Variants in LRRC37A3 observed in about 807,000 individuals in gnomAD.
The protein encoded by LRRC37A3 is leucine-rich repeat-containing protein 37A3.
A neutral mutation model predicts 106.2 loss-of-function variants in LRRC37A3; 25 were observed. The observed-to-expected ratio is 0.24, with a 90% CI of 0.17 to 0.33. The LOEUF is 0.33. Ranked by LOEUF, LRRC37A3 falls within the 10% of genes least tolerant of loss-of-function variation. The pLI is 1.00. For missense variants in LRRC37A3, 712 were observed against 1,644.9 expected (o/e 0.43, Z 9.81); for synonymous variants, 305 against 635.8 (o/e 0.48, Z 7.83).
At chr17:64,866,379 C>T (rs998710479) in intron 10 of LRRC37A3, among the ~76,000 whole-genome samples, 2 of 151,106 alleles carry the variant, frequency 1.3e-5, no homozygotes, top group Non-Finnish European at 2.9e-5. Flanking sequence ...GAGCAGAGTG[C>T]TAAATGAAGG....
intron 13 of LRRC37A3, among the ~76,000 whole-genome samples, chr17:64,856,279 C>A (rs1389850157): frequency 6.6e-6 from 1 of 151,714 alleles, no homozygotes; most frequent in African/African-American, 2.4e-5. Context: ...TGCGGTGTCA[C>A]GATCACAGCT....
intron 12 of LRRC37A3, 47 bp from the exon 13 acceptor site, chr17:64,858,930 G>A: frequency 7.8e-7 from 1 of 1,277,500 alleles, no homozygotes; most frequent in Non-Finnish European, 1.1e-6. Context: ...CAAAACCCCA[G>A]TATTCCAGGT....
At chr17:64,857,705 GAAGA>G (rs988399430) in intron 13 of LRRC37A3, among the ~76,000 whole-genome samples, 3 of 152,172 alleles carry the variant, frequency 2.0e-5, no homozygotes, top group African/African-American at 7.2e-5. Context: ...AAGGTGTCAA[GAAGA>G]AAGATGAACT....
At chr17:64,863,049 G>T in intron 10 of LRRC37A3, 31 bp from the exon 11 acceptor site, 1 of 1,597,382 alleles carries the variant, frequency 6.3e-7, no homozygotes, top group Non-Finnish European at 8.5e-7. Context: ...CAATAAATTA[G>T]CGGTAAAGCG....
intron 5 of LRRC37A3, among the ~76,000 whole-genome samples, chr17:64,892,256 G>GAAAAAAAAAAAA (rs1232916699): frequency 1.5e-3 from 1 of 666 alleles, no homozygotes; most frequent in Non-Finnish European, 2.3e-3. Flanking sequence ...CCCTGTCTCT[G>GAAAAAAAAAAAA]AAAAAAAAAA....
At chr17:64,857,627 A>G (rs1972722536) in intron 13 of LRRC37A3, among the ~76,000 whole-genome samples, 1 of 152,050 alleles carries the variant, frequency 6.6e-6, no homozygotes, top group Non-Finnish European at 1.5e-5. Flanking sequence ...AGTCTCTCAT[A>G]TGGTGTCCAA....
chr17:64,878,357 A>G (rs1222844399), intron 8 of LRRC37A3, among the ~76,000 whole-genome samples: 1 of 152,216 alleles, frequency 6.6e-6, no homozygotes, highest in Non-Finnish European at 1.5e-5. Context: ...AAAATTAAAA[A>G]CTTTTGTGCA....
intron 12 of LRRC37A3, 64 bp from the exon 13 acceptor site, chr17:64,858,947 C>T: frequency 1.8e-6 from 2 of 1,106,284 alleles, no homozygotes; most frequent in Non-Finnish European, 2.7e-6. Context: ...AGGTGAGTAG[C>T]TTACAGGTTC....
chr17:64,893,769 C>T (rs1974035964), intron 4 of LRRC37A3, among the ~76,000 whole-genome samples: 1 of 145,790 alleles, frequency 6.9e-6, no homozygotes, highest in Non-Finnish European at 1.5e-5. Flanking sequence ...CCTGCCTCAG[C>T]CTCCCAAGTA....
rs1321307354 is a variant in LRRC37A3 at position 64,860,262 on chromosome 17, G to A, written c.3884C>T (p.Ser1295Phe). ...AKARVTNMKT[S>F]KPIVHSRKKY... ...TTTTCTGGAATGTACGATGGGTTTAGATGTCTTCATATTTGTAACTCTAGC... is the reference window on the plus strand; with the variant it reads ...TTTTCTGGAATGTACGATGGGTTTAAATGTCTTCATATTTGTAACTCTAGC... Residue 1295 changes from serine to phenylalanine, a missense_variant, in exon 12 of 15, where the codon TCT becomes TTT. Ser to Phe is a radical substitution (Grantham distance 155). Transcript: ENST00000584306. 8 of 1,613,876 alleles carry A rather than the reference G, an allele frequency of 5.0e-6. No individual in the cohort carries two copies. In the African/African-American group the frequency reaches 9.3e-5, roughly 19 times the overall value.
At chr17:64,901,614 C>T (rs898805651) in intron 2 of LRRC37A3, among the ~76,000 whole-genome samples, 1 of 142,704 alleles carries the variant, frequency 7.0e-6, no homozygotes, top group African/African-American at 3.1e-5. Context: ...ACAACCCACA[C>T]ATTTAGCTTG....
At chr17:64,916,032 C>T (rs1327572396) in intron 2 of LRRC37A3, among the ~76,000 whole-genome samples, 2 of 152,100 alleles carry the variant, frequency 1.3e-5, no homozygotes, top group Non-Finnish European at 2.9e-5. Context: ...AACCTGGGGT[C>T]GAGGGGAATG....
chr17:64,863,623 G>T (rs1478890405), intron 10 of LRRC37A3: 4 of 153,500 alleles, frequency 2.6e-5, no homozygotes, highest in African/African-American at 7.2e-5. Flanking sequence ...AATAATGCCA[G>T]CTAGTAAATG....
intron 2 of LRRC37A3, chr17:64,901,287 A>G (rs2143589684): frequency 6.6e-6 from 1 of 151,546 alleles, no homozygotes; most frequent in South Asian, 2.1e-4. Flanking sequence ...AAAAACGTTC[A>G]ATCATAATAT....
At position 64,859,022 on chromosome 17, in the gene LRRC37A3, C is replaced by T. The variant is rs573265088; in HGVS notation, c.4705-139G>A. On this transcript the variant is annotated intron_variant, in intron 12 of 14. Transcript: ENST00000584306. ...AGGCTGGGGTACAGTGGTGCAATCACCATTCACTAGACTCGACCTCCCTGG... is the reference window on the plus strand; with the variant it reads ...AGGCTGGGGTACAGTGGTGCAATCATCATTCACTAGACTCGACCTCCCTGG... 5 of 686,660 alleles carry T rather than the reference C, an allele frequency of 7.3e-6. No individual in the cohort carries two copies. The South Asian group carries it at 8.5e-5, about 12-fold the overall frequency. 42.5% of individuals were successfully genotyped at this position (686,660 alleles called of 1,614,324 possible).
At chr17:64,868,987 A>G (rs1973215935) in intron 9 of LRRC37A3, 108 bp downstream of exon 9, 1 of 1,504,272 alleles carries the variant, frequency 6.6e-7, no homozygotes, top group African/African-American at 1.4e-5. Context: ...AACCCAGTTA[A>G]AATTTAAATT....
chr17:64,883,259 C>T (rs895887761), intron 8 of LRRC37A3, among the ~76,000 whole-genome samples: 12 of 152,090 alleles, frequency 7.9e-5, no homozygotes, highest in African/African-American at 2.9e-4. Flanking sequence ...CCAGTTAAGT[C>T]CACTAATAAG....
intron 14 of LRRC37A3, among the ~76,000 whole-genome samples, chr17:64,854,969 C>T (rs1441611698): frequency 6.6e-6 from 1 of 152,224 alleles, no homozygotes; most frequent in Admixed American, 6.5e-5. Flanking sequence ...TCCCAAGTAG[C>T]TGGGATTACA....
intron 10 of LRRC37A3, among the ~76,000 whole-genome samples, chr17:64,866,603 T>TAC (rs1476709256): frequency 2.3e-4 from 4 of 17,606 alleles, no homozygotes; most frequent in East Asian, 3.6e-3. Context: ...TATATATATA[T>TAC]ATATATATAT....
Sources: gnomAD v4.1 joint callset for allele counts (sites outside exome capture counted in the v4.1 genomes callset) on GRCh38, gnomAD v4.1.1 for gene constraint, MANE v1.5 for transcripts, NCBI Gene and HGNC (gene_info 2026-07-23, HGNC 2026-07-21) for gene names.